The following SLK variants were observed in gnomAD, a reference collection of about 807,000 sequenced individuals.
The protein encoded by SLK is STE20-like serine/threonine-protein kinase.
In SLK, 67 loss-of-function variants were observed where a neutral mutation model predicts 147.7. The ratio of observed to expected loss-of-function variants is 0.45; its 90% CI spans 0.37 to 0.56. SLK has a LOEUF of 0.56. Ranked by LOEUF, SLK falls within the 20% of genes least tolerant of loss-of-function variation. The pLI is 0.00. For synonymous variants in SLK, 441 were observed against 475.0 expected (o/e 0.93, Z 0.93); for missense variants, 1,136 against 1,438.8 (o/e 0.79, Z 3.41).
At chr10:104,022,872 T>C (rs989953962) in intron 18 of SLK, among the ~76,000 whole-genome samples, 2 of 152,232 alleles carry the variant, frequency 1.3e-5, no homozygotes, top group Non-Finnish European at 2.9e-5. Context: ...CCTCTCGAAG[T>C]GCTGGGATTA....
At chr10:104,012,207 AT>A (rs1263602245) in intron 13 of SLK, among the ~76,000 whole-genome samples, 1 of 151,994 alleles carries the variant, frequency 6.6e-6, no homozygotes, top group Non-Finnish European at 1.5e-5. Context: ...CATTAAAAAA[AT>A]TTTTTTTTAA....
Position 104,025,666 on chromosome 10 carries a change from G to A in SLK, c.3654G>A (p.Gln1218=). 6.2e-7 allele frequency: 1 copy of A among 1,614,006 alleles called. No individual in the cohort carries two copies. Among genetic ancestry groups the A allele is most frequent in the Non-Finnish European group, 8.5e-7 (1 of 1,179,930 alleles). ...GESECLNPST[Q]SRISKFYPIP... is the part of the protein sequence containing the mutation. ...CTGAATGCCTTAACCCATCAACACA[G>A]AGCCGGATTTCCAAATTTTATCCTA... Residue 1218 remains glutamine (Q), a synonymous_variant, in exon 19 of 19, where the codon CAG becomes CAA. Coordinates refer to ENST00000369755, the MANE Select transcript of SLK (RefSeq NM_014720.4).
At chr10:103,984,641 T>C (rs1483367676) in intron 1 of SLK, among the ~76,000 whole-genome samples, 1 of 152,194 alleles carries the variant, frequency 6.6e-6, no homozygotes, top group Non-Finnish European at 1.5e-5. Flanking sequence ...CTCGAACTCT[T>C]GGGCCCAAGT....
chr10:104,012,608 A>G (rs1188304565), intron 13 of SLK, among the ~76,000 whole-genome samples: 1 of 152,204 alleles, frequency 6.6e-6, no homozygotes, highest in African/African-American at 2.4e-5. Context: ...GACCCTCCCA[A>G]GGTCACACAC....
chr10:104,002,743 T>C lies in SLK; in HGVS notation c.1565T>C (p.Leu522Pro). The C allele has an allele frequency of 6.2e-7, 1 of 1,613,802 alleles. No homozygotes were observed. The highest frequency in any genetic ancestry group is 8.5e-7 in the Non-Finnish European group (1 of 1,179,956). ...CAGGCAGTTGATAGTGAAGTTGGGCTTACAAAGGAAGACACCCAAGAGAAA... is the reference window on the plus strand; with the variant it reads ...CAGGCAGTTGATAGTGAAGTTGGGCCTACAAAGGAAGACACCCAAGAGAAA... ...NIQAVDSEVG[L>P]TKEDTQEKLG... Residue 522 changes from leucine (L) to proline (P), a missense_variant, in exon 9 of 19, where the codon CTT becomes CCT. By Grantham distance (98) the Leu-to-Pro change is moderately conservative (BLOSUM62 -3). Transcript: ENST00000369755.
chr10:103,978,911 G>A lies in SLK; in HGVS notation c.150+11016G>A, dbSNP rs1843904742. Among the ~76,000 whole-genome samples, 3 of 152,144 alleles carry A rather than the reference G, an allele frequency of 2.0e-5. No homozygotes were observed. In the South Asian group the frequency reaches 6.2e-4, roughly 32 times the overall value. ...CCTTCCATCCCTTCCTCCTTTCTTG[G>A]AAAGTGTGAGCAAAGTTAATAAATT... On this transcript the variant is annotated intron_variant, in intron 1 of 18. Transcript: ENST00000369755.
intron 1 of SLK, among the ~76,000 whole-genome samples, chr10:103,968,272 C>G (rs1843745267): frequency 6.6e-6 from 1 of 152,198 alleles, no homozygotes; most frequent in African/African-American, 2.4e-5. Flanking sequence ...CATTCGCGTG[C>G]ATGCTTGTAC....
intron 4 of SLK, among the ~76,000 whole-genome samples, chr10:103,995,004 C>G (rs2134479463): frequency 6.6e-6 from 1 of 152,268 alleles, no homozygotes; most frequent in South Asian, 2.1e-4. Context: ...GCCTACACCT[C>G]TGTCTTTTGG....
At chr10:103,970,178 C>T (rs537673609) in intron 1 of SLK, among the ~76,000 whole-genome samples, 1 of 152,272 alleles carries the variant, frequency 6.6e-6, no homozygotes, top group South Asian at 2.1e-4. Context: ...GTAGAAATTA[C>T]TGTTATTACA....
intron 1 of SLK, among the ~76,000 whole-genome samples, chr10:103,989,808 C>G (rs539677080): frequency 2.0e-5 from 3 of 152,100 alleles, no homozygotes; most frequent in African/African-American, 7.2e-5. Context: ...CATACTCTTA[C>G]GATATGATCC....
intron 13 of SLK, among the ~76,000 whole-genome samples, chr10:104,016,243 C>A (rs551718509): frequency 6.6e-6 from 1 of 151,606 alleles, no homozygotes; most frequent in South Asian, 2.1e-4. Context: ...GGCATGAACC[C>A]GGGAGGCGGA....
chr10:104,024,690 T>C (rs1844575484), intron 18 of SLK, among the ~76,000 whole-genome samples: 1 of 152,204 alleles, frequency 6.6e-6, no homozygotes. Context: ...GCTTTGTACC[T>C]CTACAGCACC....
rs1214014280 is a variant in SLK, at chr10:104,005,768, A to T, written c.2480+77A>T. The T allele has an allele frequency of 4.6e-6, 7 of 1,512,126 alleles. No individual in the cohort carries two copies. The African/African-American group carries it at 9.9e-5, about 21-fold the overall frequency. 93.7% of individuals were successfully genotyped at this position (1,512,126 alleles called of 1,614,324 possible). A position where few individuals can be genotyped will look rare whatever the true frequency, so the allele number is the denominator to read the frequency against. On this transcript the variant is annotated intron_variant, in intron 10 of 18. Coordinates refer to ENST00000369755, the MANE Select transcript of SLK (RefSeq NM_014720.4). The stretch of plus-strand genomic sequence containing the variant: ...TCTGAAAAGTCAGAAGAATAGAGAA[A>T]CAAGGGTAAATTATTGGCTAATTTT...
At chr10:103,996,463 A>G (rs1844175358) in intron 4 of SLK, among the ~76,000 whole-genome samples, 2 of 135,172 alleles carry the variant, frequency 1.5e-5, no homozygotes, top group Admixed American at 8.5e-5. Flanking sequence ...CAGTGGCGCT[A>G]TCTCGGCTCA....
At position 104,002,815 on chromosome 10, in the gene SLK, G is replaced by C; in HGVS notation, c.1637G>C (p.Ser546Thr). The C allele has an allele frequency of 1.9e-6, 3 of 1,614,128 alleles. No individual in the cohort carries two copies. The highest frequency in any genetic ancestry group is 2.5e-6 in the Non-Finnish European group (3 of 1,180,006). ...CAAAAAGATGTGATCAGCAATACAA[G>C]TGATGTGATAGGAACATGTGAGGCA... Reference protein sequence around the residue: ...KTQKDVISNTSDVIGTCEAAD... With the variant: ...KTQKDVISNTTDVIGTCEAAD... The change falls in exon 9 of 19, where the codon AGT (serine) becomes ACT (threonine). Residue 546 changes from serine (S) to threonine (T), a missense_variant. Physicochemically the swap from Ser to Thr is moderately conservative, Grantham distance 58. Transcript: ENST00000369755.
At chr10:103,974,482 G>T (rs558496550) in intron 1 of SLK, 267 of 144,174 alleles carry the variant, frequency 1.9e-3, no homozygotes, top group African/African-American at 6.4e-3. Context: ...GGGCGTGATG[G>T]CGGGCGCCTG....
At position 104,028,078 on chromosome 10, in the gene SLK, C is replaced by T. The variant is rs1419550971; in HGVS notation, c.*2358C>T. On this transcript the variant is annotated 3_prime_UTR_variant, in exon 19 of 19. Transcript: ENST00000369755. ...TGTTTGTACCCATACCAGCCCACCT[C>T]TTCTGAGGCCCTGTATTCAAATAGA... 3.9e-5 allele frequency: 6 copies of T among 152,194 alleles called. No homozygotes were observed. The highest frequency in any genetic ancestry group is 7.2e-5 in the African/African-American group (3 of 41,436). 9.4% of individuals were successfully genotyped at this position (152,194 alleles called of 1,614,324 possible). A position where few individuals can be genotyped will look rare whatever the true frequency, so the allele number is the denominator to read the frequency against.
At chr10:104,001,235 A>G (rs1352582608) in intron 7 of SLK, among the ~76,000 whole-genome samples, 2 of 152,152 alleles carry the variant, frequency 1.3e-5, no homozygotes, top group Non-Finnish European at 2.9e-5. Flanking sequence ...ATTCTTAAAA[A>G]TGTACAGATC....
At chr10:104,000,092 T>A in intron 7 of SLK, 144 bp downstream of exon 7, 1 of 461,040 alleles carries the variant, frequency 2.2e-6, no homozygotes, top group Admixed American at 4.1e-5. Flanking sequence ...ACAAAATAAA[T>A]GCTGCTGTTA....
Sources: allele counts gnomAD v4.1 joint callset (sites outside exome capture counted in the v4.1 genomes callset), GRCh38; gene constraint gnomAD v4.1.1; transcripts MANE v1.5; gene names NCBI Gene and HGNC (gene_info 2026-07-23, HGNC 2026-07-21).